Variants in BICC1 observed in about 807,000 individuals in gnomAD.
BICC1 encodes the protein BicC family RNA binding protein 1.
In BICC1, 43 loss-of-function variants were observed where a neutral mutation model predicts 111.0. The observed-to-expected ratio is 0.39, with a 90% CI of 0.30 to 0.50. BICC1 has a LOEUF of 0.50. BICC1 is among the 20% of genes least tolerant of loss of function. The pLI is 0.88. For missense variants in BICC1, 1,091 were observed against 1,203.2 expected, an observed-to-expected ratio of 0.91 and a Z score of 1.38; for synonymous variants, 467 against 434.4, an observed-to-expected ratio of 1.07 and a Z score of -0.93.
chr10:58,825,841 C>T (rs72804449), intron 20 of BICC1, among the ~76,000 whole-genome samples: 8,954 of 152,150 alleles, frequency 0.059, 330 homozygotes, highest in South Asian at 0.11. Flanking sequence ...CACCGTAGGA[C>T]CCACATAAAG....
At chr10:58,547,771 A>G (rs1843179732) in intron 1 of BICC1, among the ~76,000 whole-genome samples, 1 of 152,088 alleles carries the variant, frequency 6.6e-6, no homozygotes, top group Non-Finnish European at 1.5e-5. Flanking sequence ...TTGGCCATGG[A>G]AGCTCTTTCA....
chr10:58,739,885 C>A (rs920144656), intron 3 of BICC1, among the ~76,000 whole-genome samples: 1 of 152,096 alleles, frequency 6.6e-6, no homozygotes, highest in South Asian at 2.1e-4. Context: ...GAAGGTTGCC[C>A]CTTTGAATTT....
chr10:58,525,796 A>AT (rs1842523256), intron 1 of BICC1, among the ~76,000 whole-genome samples: 1 of 151,866 alleles, frequency 6.6e-6, no homozygotes, highest in African/African-American at 2.4e-5. Flanking sequence ...AACCATTTTC[A>AT]TTTTTCTGCC....
chr10:58,778,846 C>T (rs1842813840), intron 3 of BICC1, among the ~76,000 whole-genome samples: 2 of 152,184 alleles, frequency 1.3e-5, no homozygotes, highest in South Asian at 4.1e-4. Context: ...TTGAAATATA[C>T]TTTGCTCTTT....
intron 1 of BICC1, among the ~76,000 whole-genome samples, chr10:58,582,417 T>C (rs1844308093): frequency 6.6e-6 from 1 of 152,208 alleles, no homozygotes; most frequent in African/African-American, 2.4e-5. Flanking sequence ...CCTTTAACTA[T>C]CAGGGTATTA....
At position 58,830,117 on chromosome 10, in the gene BICC1, G is replaced by A. The variant is rs1008478426; in HGVS notation, c.*1226G>A. 2.6e-5 allele frequency: 4 copies of A among 151,844 alleles called. No homozygotes were observed. Among genetic ancestry groups the A allele is most frequent in the Non-Finnish European group, 5.9e-5 (4 of 67,986 alleles). The allele number at this position is 151,844 out of a possible 1,614,324, so 9.4% of individuals were successfully genotyped here. On this transcript the variant is annotated 3_prime_UTR_variant, in exon 21 of 21. Transcript: ENST00000373886. Reference sequence around the variant, plus strand: ...GAACAGGCTTATTTGAGCCTCCAGGGTGGCAGTTCATAAAGACAGCTAAGT... The same window carrying A: ...GAACAGGCTTATTTGAGCCTCCAGGATGGCAGTTCATAAAGACAGCTAAGT...
chr10:58,800,134 G>T (rs1047543557), intron 12 of BICC1, 60 bp from the exon 13 acceptor site: 2 of 1,358,134 alleles, frequency 1.5e-6, no homozygotes, highest in South Asian at 1.4e-5. Context: ...TTGTGTTCTT[G>T]ATTTGACTCT....
chr10:58,807,274 G>A, intron 17 of BICC1, 116 bp downstream of exon 17: 1 of 940,746 alleles, frequency 1.1e-6, no homozygotes, highest in Non-Finnish European at 1.6e-6. Context: ...GTGGTGACTT[G>A]TTTTTATTTC....
chr10:58,514,950 C>T (rs1455176866), intron 1 of BICC1, among the ~76,000 whole-genome samples: 1 of 152,168 alleles, frequency 6.6e-6, no homozygotes, highest in Non-Finnish European at 1.5e-5. Flanking sequence ...TTTCAGTTTT[C>T]TACATTAGTT....
At chr10:58,733,960 T>G (rs533636937) in intron 3 of BICC1, among the ~76,000 whole-genome samples, 4 of 152,240 alleles carry the variant, frequency 2.6e-5, no homozygotes, top group Non-Finnish European at 5.9e-5. Context: ...ATTTCTAATC[T>G]GTTAAATGGA....
At chr10:58,703,012 T>A (rs1033460139) in intron 3 of BICC1, among the ~76,000 whole-genome samples, 3 of 152,202 alleles carry the variant, frequency 2.0e-5, no homozygotes, top group African/African-American at 7.2e-5. Flanking sequence ...TTTCTCAGTT[T>A]CCTTTCTTAC....
chr10:58,532,306 A>G (rs1842702698), intron 1 of BICC1, among the ~76,000 whole-genome samples: 1 of 151,776 alleles, frequency 6.6e-6, no homozygotes, highest in South Asian at 2.1e-4. Flanking sequence ...ATTATGAAAA[A>G]AAAAACTATG....
chr10:58,804,487 T>C (rs946513313), intron 15 of BICC1, among the ~76,000 whole-genome samples: 3 of 152,118 alleles, frequency 2.0e-5, no homozygotes, highest in Non-Finnish European at 4.4e-5. Context: ...CACTGCACTC[T>C]AGCCTGGGAG....
Position 58,755,121 on chromosome 10 carries a change from T to C in BICC1, c.308-29880T>C, listed in dbSNP as rs192155957. 6.4e-5 allele frequency among the ~76,000 whole-genome samples: 9 copies of C among 140,838 alleles called. No homozygotes were observed. The East Asian group carries it at 2.3e-3, about 35-fold the overall frequency. 92.4% of individuals were successfully genotyped at this position (140,838 alleles called of 152,430 possible). Reference sequence around the variant, plus strand: ...CTGTGTCAGATCACAGGATTTTTCTTTGTTTTTTGTTTTCATAGAGTTGTT... The same window carrying C: ...CTGTGTCAGATCACAGGATTTTTCTCTGTTTTTTGTTTTCATAGAGTTGTT... On this transcript the variant is annotated intron_variant, in intron 3 of 20. Coordinates refer to ENST00000373886, the MANE Select transcript of BICC1 (RefSeq NM_001080512.3).
chr10:58,514,935 C>A (rs1221030205), intron 1 of BICC1, among the ~76,000 whole-genome samples: 2 of 152,166 alleles, frequency 1.3e-5, no homozygotes, highest in Non-Finnish European at 2.9e-5. Context: ...TCCTTTTCAA[C>A]CAGCTTTCAG....
chr10:58,677,846 C>T (rs1839392848), intron 2 of BICC1, among the ~76,000 whole-genome samples: 1 of 152,214 alleles, frequency 6.6e-6, no homozygotes. Context: ...AACAGCAAAT[C>T]TCTCTGCTGA....
chr10:58,540,731 G>A (rs1232257562), intron 1 of BICC1, among the ~76,000 whole-genome samples: 8 of 151,970 alleles, frequency 5.3e-5, no homozygotes, highest in African/African-American at 1.9e-4. Context: ...AAACTGTAGA[G>A]GAGGAAACGC....
chr10:58,553,405 A>G (rs1843352334), intron 1 of BICC1, among the ~76,000 whole-genome samples: 1 of 152,156 alleles, frequency 6.6e-6, no homozygotes, highest in Non-Finnish European at 1.5e-5. Flanking sequence ...GGAAGCTGCA[A>G]GGAATGTCGG....
chr10:58,578,260 C>A (rs1186967920), intron 1 of BICC1, among the ~76,000 whole-genome samples: 1 of 152,136 alleles, frequency 6.6e-6, no homozygotes, highest in Admixed American at 6.5e-5. Context: ...ATTTTTTCCT[C>A]TTCACTTGAG....
Sources: gnomAD v4.1 joint callset for allele counts (sites outside exome capture counted in the v4.1 genomes callset) on GRCh38, gnomAD v4.1.1 for gene constraint, MANE v1.5 for transcripts, NCBI Gene and HGNC (gene_info 2026-07-23, HGNC 2026-07-21) for gene names.